The following TTC7B variants were observed in gnomAD, a reference collection of about 807,000 sequenced individuals.
TTC7B encodes the protein tetratricopeptide repeat protein 7B.
Under a neutral mutation model 106.8 loss-of-function variants are expected in TTC7B, and 28 were observed. That is an observed-to-expected ratio of 0.26 (90% CI 0.19 to 0.36). The LOEUF is 0.36. Ranked by LOEUF, TTC7B falls within the 10% of genes least tolerant of loss-of-function variation. The pLI, the probability that TTC7B is intolerant of heterozygous loss-of-function variation, is 1.00. For synonymous variants in TTC7B, 405 were observed against 430.6 expected (o/e 0.94, Z 0.74); for missense variants, 862 against 1,076.4 (o/e 0.80, Z 2.79).
At chr14:90,585,938 C>G (rs1452410136) in intron 18 of TTC7B, 1 of 152,328 alleles carries the variant, frequency 6.6e-6, no homozygotes, top group African/African-American at 2.4e-5. Flanking sequence ...GCTACATTCC[C>G]AACCTCTCAG....
At chr14:90,542,612 T>C (rs1214420249) in intron 19 of TTC7B, among the ~76,000 whole-genome samples, 3 of 152,196 alleles carry the variant, frequency 2.0e-5, no homozygotes, top group South Asian at 2.1e-4. Context: ...AGCACCTCTT[T>C]GTTCTTTAGA....
chr14:90,696,096 C>A (rs1313551767), intron 5 of TTC7B, among the ~76,000 whole-genome samples: 1 of 152,106 alleles, frequency 6.6e-6, no homozygotes, highest in African/African-American at 2.4e-5. Context: ...ATCAAACCAA[C>A]CCTCCTCCAA....
intron 5 of TTC7B, chr14:90,698,309 A>G (rs186474354): frequency 1.3e-5 from 2 of 152,372 alleles, no homozygotes; most frequent in Admixed American, 6.5e-5. Flanking sequence ...AGATAACCCA[A>G]TTTGAGAGAG....
chr14:90,766,848 G>A, intron 3 of TTC7B: 3 of 1,596,808 alleles, frequency 1.9e-6, no homozygotes, highest in Non-Finnish European at 2.6e-6. Context: ...TGGACAACAA[G>A]CTCCATGAAG....
At chr14:90,626,396 C>T (rs569087050) in intron 15 of TTC7B, among the ~76,000 whole-genome samples, 1 of 152,208 alleles carries the variant, frequency 6.6e-6, no homozygotes, top group Non-Finnish European at 1.5e-5. Flanking sequence ...AAGGGATCCC[C>T]TGGATCACAT....
At chr14:90,735,945 A>T (rs1411485435) in intron 4 of TTC7B, among the ~76,000 whole-genome samples, 1 of 152,180 alleles carries the variant, frequency 6.6e-6, no homozygotes, top group Non-Finnish European at 1.5e-5. Flanking sequence ...AGTAATGAGT[A>T]GTTACTAATC....
intron 17 of TTC7B, among the ~76,000 whole-genome samples, chr14:90,597,451 A>C (rs1228060455): frequency 6.6e-6 from 1 of 152,168 alleles, no homozygotes; most frequent in East Asian, 1.9e-4. Context: ...TGAGGTCAGG[A>C]GTTTGAGACC....
At chr14:90,568,097 G>A (rs1015327635) in intron 19 of TTC7B, among the ~76,000 whole-genome samples, 5 of 152,210 alleles carry the variant, frequency 3.3e-5, no homozygotes, top group Non-Finnish European at 7.3e-5. Flanking sequence ...AGTTGGCACA[G>A]AATGCCACAT....
rs1227939869 is a variant in TTC7B at position 90,530,879 on chromosome 14, T to C, written c.*10489A>G. ...GGTGCAGTGTATACTGCTCGGGTGATGGGTGCACCAAAATCTCACAAATCA... is the reference window on the plus strand; with the variant it reads ...GGTGCAGTGTATACTGCTCGGGTGACGGGTGCACCAAAATCTCACAAATCA... On this transcript the variant is annotated 3_prime_UTR_variant, in exon 20 of 20. Coordinates refer to ENST00000328459, the MANE Select transcript of TTC7B (RefSeq NM_001010854.2). 6.6e-6 allele frequency: 1 copy of C among 152,196 alleles called. No homozygotes were observed. Among genetic ancestry groups the C allele is most frequent in the Non-Finnish European group, 1.5e-5 (1 of 68,042 alleles). 9.4% of individuals were successfully genotyped at this position (152,196 alleles called of 1,614,324 possible).
At position 90,623,504 on chromosome 14, in the gene TTC7B, C is replaced by T. The variant is rs116949235; in HGVS notation, c.1752-5459G>A. The stretch of plus-strand genomic sequence containing the variant: ...TTAAAACTCCAAAATGTGCAAAGCT[C>T]TGTGCTGGCTATGTTTAATACAAAG... On this transcript the variant is annotated intron_variant, in intron 15 of 19. Transcript: ENST00000328459. Among the ~76,000 whole-genome samples, 1,342 of 152,302 alleles carry T rather than the reference C, an allele frequency of 8.8e-3. 9 individuals are homozygous for T. Among genetic ancestry groups the T allele is most frequent in the Non-Finnish European group, 0.014 (955 of 68,014 alleles).
At chr14:90,774,731 G>A (rs1403856212) in intron 3 of TTC7B, among the ~76,000 whole-genome samples, 1 of 152,196 alleles carries the variant, frequency 6.6e-6, no homozygotes, top group African/African-American at 2.4e-5. Flanking sequence ...ATCTTCATGT[G>A]ATCTTCCCCT....
chr14:90,778,043 ACC>A (rs1287774465), intron 3 of TTC7B, among the ~76,000 whole-genome samples: 1 of 152,142 alleles, frequency 6.6e-6, no homozygotes. Flanking sequence ...ACTGAGTAGG[ACC>A]CAGGCAGATG....
intron 3 of TTC7B, among the ~76,000 whole-genome samples, chr14:90,768,816 T>C (rs1199588178): frequency 1.3e-5 from 2 of 152,264 alleles, no homozygotes; most frequent in Non-Finnish European, 2.9e-5. Flanking sequence ...ACTAGTATTA[T>C]TGTAACAATA....
At chr14:90,622,094 C>T (rs987317457) in intron 15 of TTC7B, among the ~76,000 whole-genome samples, 1 of 151,338 alleles carries the variant, frequency 6.6e-6, no homozygotes, top group African/African-American at 2.4e-5. Context: ...TGTAAGCTAG[C>T]CACACAAAGT....
rs1260018436 is a variant in TTC7B, at chr14:90,539,929, G to GTCCAGCCACATGCTGGA, written c.*1438_*1439insTCCAGCATGTGGCTGGA. 2.6e-5 allele frequency: 4 copies of GTCCAGCCACATGCTGGA among 152,292 alleles called. No individual in the cohort carries two copies. The highest frequency in any genetic ancestry group is 6.5e-5 in the Admixed American group (1 of 15,288). 9.4% of individuals were successfully genotyped at this position (152,292 alleles called of 1,614,324 possible). Reference sequence around the variant, plus strand: ...CTCCCGCTCTGACTGGACCGCTTTAGGTCACATGCTCACTCCTGACCCTCT... The same window carrying GTCCAGCCACATGCTGGA: ...CTCCCGCTCTGACTGGACCGCTTTAGTCCAGCCACATGCTGGAGTCACATGCTCACTCCTGACCCTCT... On this transcript the variant is annotated 3_prime_UTR_variant, in exon 20 of 20. Transcript: ENST00000328459.
chr14:90,581,333 G>A (rs1029594082), intron 18 of TTC7B, among the ~76,000 whole-genome samples: 5 of 152,120 alleles, frequency 3.3e-5, no homozygotes, highest in African/African-American at 1.2e-4. Context: ...GACTCTATAG[G>A]GACAAAGAAG....
At chr14:90,550,188 T>C (rs558681923) in intron 19 of TTC7B, among the ~76,000 whole-genome samples, 7 of 152,166 alleles carry the variant, frequency 4.6e-5, no homozygotes, top group African/African-American at 1.2e-4. Flanking sequence ...ATTCCACAGG[T>C]TGCAACTGCA....
At chr14:90,787,607 T>A (rs1891436575) in intron 1 of TTC7B, among the ~76,000 whole-genome samples, 1 of 151,994 alleles carries the variant, frequency 6.6e-6, no homozygotes, top group Non-Finnish European at 1.5e-5. Flanking sequence ...ATTCAAAAAG[T>A]CATCAGCGAG....
intron 18 of TTC7B, among the ~76,000 whole-genome samples, chr14:90,591,412 T>A (rs1457591621): frequency 6.6e-6 from 1 of 152,148 alleles, no homozygotes; most frequent in African/African-American, 2.4e-5. Context: ...ATTCTAATAA[T>A]CAGCTACAAA....
Sources: gnomAD v4.1 joint callset for allele counts (sites outside exome capture counted in the v4.1 genomes callset) on GRCh38, gnomAD v4.1.1 for gene constraint, MANE v1.5 for transcripts, NCBI Gene and HGNC (gene_info 2026-07-23, HGNC 2026-07-21) for gene names.